ANKS1B: variants seen among roughly 807,000 people sequenced by gnomAD.
The protein encoded by ANKS1B is ankyrin repeat and sterile alpha motif domain-containing protein 1B.
Under a neutral mutation model 148.3 loss-of-function variants are expected in ANKS1B, and 36 were observed. That is an observed-to-expected ratio of 0.24 (90% CI 0.19 to 0.32). The LOEUF (loss-of-function observed/expected upper bound fraction) is 0.32, where lower values mean the gene tolerates loss of function less well. Ranked by LOEUF, ANKS1B falls within the 10% of genes least tolerant of loss-of-function variation. ANKS1B has a pLI of 1.00. For missense variants in ANKS1B, 1,157 were observed against 1,542.6 expected (o/e 0.75, Z 4.19); for synonymous variants, 542 against 560.8 (o/e 0.97, Z 0.47).
At chr12:99,544,443 G>A (rs914661558) in intron 9 of ANKS1B, among the ~76,000 whole-genome samples, 2 of 152,110 alleles carry the variant, frequency 1.3e-5, no homozygotes, top group Admixed American at 6.6e-5. Flanking sequence ...CTGAAACTGC[G>A]AGATTTCTTC....
chr12:99,695,704 G>A (rs916724052), intron 8 of ANKS1B, among the ~76,000 whole-genome samples: 4 of 152,016 alleles, frequency 2.6e-5, no homozygotes, highest in Non-Finnish European at 4.4e-5. Flanking sequence ...ACAGGGAGGG[G>A]AACAACACTC....
At chr12:99,244,321 T>C in intron 14 of ANKS1B, 21 bp downstream of exon 14, 1 of 1,559,342 alleles carries the variant, frequency 6.4e-7, no homozygotes, top group Non-Finnish European at 8.8e-7. Flanking sequence ...TTCATTATAA[T>C]GTAGAGGAAG....
At chr12:99,899,961 C>T (rs530560765) in intron 1 of ANKS1B, among the ~76,000 whole-genome samples, 25 of 151,730 alleles carry the variant, frequency 1.6e-4, no homozygotes, top group Admixed American at 5.2e-4. Flanking sequence ...TGCAGTGGCA[C>T]GATCTCGGCT....
intron 1 of ANKS1B, among the ~76,000 whole-genome samples, chr12:99,842,174 C>T (rs2085852167): frequency 1.3e-5 from 2 of 152,068 alleles, no homozygotes; most frequent in Non-Finnish European, 2.9e-5. Context: ...TTATTATATA[C>T]ACAGCCTGTA....
At chr12:99,440,629 C>T (rs2095534776) in intron 11 of ANKS1B, among the ~76,000 whole-genome samples, 1 of 151,762 alleles carries the variant, frequency 6.6e-6, no homozygotes, top group African/African-American at 2.4e-5. Context: ...GAACTAACAG[C>T]TGTGACTTAG....
chr12:99,865,716 A>G (rs2090653476), intron 1 of ANKS1B, among the ~76,000 whole-genome samples: 1 of 152,240 alleles, frequency 6.6e-6, no homozygotes, highest in Non-Finnish European at 1.5e-5. Flanking sequence ...CTAGCTTAGA[A>G]GCCATCTAAA....
chr12:99,037,692 T>C (rs1019397527), intron 17 of ANKS1B, among the ~76,000 whole-genome samples: 1 of 152,186 alleles, frequency 6.6e-6, no homozygotes, highest in Non-Finnish European at 1.5e-5. Flanking sequence ...ATTTTGAACA[T>C]CAGGACTAAA....
At chr12:99,327,372 TTA>T (rs565870588) in intron 12 of ANKS1B, among the ~76,000 whole-genome samples, 3 of 105,874 alleles carry the variant, frequency 2.8e-5, no homozygotes, top group Admixed American at 1.0e-4. Context: ...TAATTACATA[TTA>T]TATATAATTA....
intron 17 of ANKS1B, among the ~76,000 whole-genome samples, chr12:98,967,546 T>C (rs1324008621): frequency 2.7e-5 from 4 of 150,568 alleles, no homozygotes; most frequent in Non-Finnish European, 4.4e-5. Context: ...GTATTGACCA[T>C]ACCCTGGCCA....
At chr12:99,544,354 C>G (rs557095348) in intron 9 of ANKS1B, among the ~76,000 whole-genome samples, 1 of 152,224 alleles carries the variant, frequency 6.6e-6, no homozygotes, top group East Asian at 1.9e-4. Flanking sequence ...TGTTCAGATC[C>G]ATTTTCTGGA....
intron 1 of ANKS1B, among the ~76,000 whole-genome samples, chr12:99,898,237 C>T (rs1308749241): frequency 6.6e-6 from 1 of 152,090 alleles, no homozygotes; most frequent in Non-Finnish European, 1.5e-5. Flanking sequence ...ATTTTATATA[C>T]ATGATCTCAC....
rs1183990857 is a variant in ANKS1B at position 99,141,766 on chromosome 12, T to C, written c.2526+12523A>G. Among the ~76,000 whole-genome samples the C allele has an allele frequency of 2.6e-5, 4 of 152,256 alleles. No individual in the cohort carries two copies. The South Asian group carries it at 6.2e-4, about 24-fold the overall frequency. On this transcript the variant is annotated intron_variant, in intron 15 of 26. Coordinates refer to ENST00000683438, the MANE Select transcript of ANKS1B (RefSeq NM_001352186.2). ...CCTGCGGAGAACATGTTATCATACC[T>C]TTTCATGGCTGCATAGTATTCTATG...
chr12:98,948,453 T>G (rs1290715964), intron 17 of ANKS1B, among the ~76,000 whole-genome samples: 1 of 152,168 alleles, frequency 6.6e-6, no homozygotes, highest in Non-Finnish European at 1.5e-5. Flanking sequence ...AGCTTTTGAG[T>G]GATTAACTAA....
At chr12:99,159,999 T>A (rs1239682912) in intron 14 of ANKS1B, among the ~76,000 whole-genome samples, 1 of 152,236 alleles carries the variant, frequency 6.6e-6, no homozygotes, top group East Asian at 1.9e-4. Context: ...TTGTTTCGTA[T>A]GTTTGTTGGC....
intron 9 of ANKS1B, among the ~76,000 whole-genome samples, chr12:99,576,997 T>G (rs1216143747): frequency 6.6e-6 from 1 of 151,858 alleles, no homozygotes; most frequent in African/African-American, 2.4e-5. Flanking sequence ...ATTAAGAAGT[T>G]AAAAATGTCT....
chr12:99,730,553 G>A (rs1321190174), intron 8 of ANKS1B, among the ~76,000 whole-genome samples: 1 of 152,188 alleles, frequency 6.6e-6, no homozygotes, highest in Admixed American at 6.5e-5. Flanking sequence ...GGTAAAGACT[G>A]CATCTCATGA....
chr12:99,335,317 C>A (rs1337519046), intron 12 of ANKS1B, among the ~76,000 whole-genome samples: 1 of 151,780 alleles, frequency 6.6e-6, no homozygotes, highest in East Asian at 1.9e-4. Context: ...AATGAGGTAT[C>A]CCTAATCTCA....
chr12:99,164,024 T>A (rs2076960168), intron 14 of ANKS1B, among the ~76,000 whole-genome samples: 1 of 152,220 alleles, frequency 6.6e-6, no homozygotes, highest in Non-Finnish European at 1.5e-5. Context: ...TGTATTTCCC[T>A]CATGGCTTAC....
At chr12:99,546,340 C>T (rs2097172651) in intron 9 of ANKS1B, among the ~76,000 whole-genome samples, 1 of 152,136 alleles carries the variant, frequency 6.6e-6, no homozygotes, top group African/African-American at 2.4e-5. Context: ...AGTTTATAAA[C>T]TGGCTTACCA....
Sources: allele counts gnomAD v4.1 joint callset (sites outside exome capture counted in the v4.1 genomes callset), GRCh38; gene constraint gnomAD v4.1.1; transcripts MANE v1.5; gene names NCBI Gene and HGNC (gene_info 2026-07-23, HGNC 2026-07-21).